MIA3: variants seen among roughly 807,000 people sequenced by gnomAD.
MIA3 encodes transport and Golgi organization protein 1 homolog.
MIA3 carries 90 observed loss-of-function variants against 192.4 expected under a neutral mutation model. The ratio of observed to expected loss-of-function variants is 0.47; its 90% CI spans 0.39 to 0.56. The LOEUF is 0.56. Ranked by LOEUF, MIA3 falls within the 20% of genes least tolerant of loss-of-function variation. The probability of loss-of-function intolerance (pLI) is 0.00; values close to 1 mark genes in which losing one functional copy is unlikely to be tolerated. For missense variants in MIA3, 2,123 were observed against 2,269.4 expected (o/e 0.94, Z 1.31); for synonymous variants, 740 against 792.8 (o/e 0.93, Z 1.12).
At chr1:222,651,869 G>C (rs901672064) in intron 11 of MIA3, 108 bp from the exon 12 acceptor site, 4 of 727,282 alleles carry the variant, frequency 5.5e-6, no homozygotes, top group Non-Finnish European at 9.8e-6. Flanking sequence ...TGAAACATAG[G>C]GGATGGCTCT....
chr1:222,662,116 C>G lies in MIA3; in HGVS notation c.5174C>G (p.Ser1725Cys). Residue 1725 changes from serine (S) to cysteine (C), a missense_variant, in exon 25 of 28, where the codon TCT becomes TGT. Ser to Cys is a moderately radical substitution (Grantham distance 112). Around this residue, in one of 3 missense-constraint regions of MIA3, gnomAD observed 762 missense variants for 856.4 expected, o/e 0.89. Coordinates refer to ENST00000344922, the MANE Select transcript of MIA3 (RefSeq NM_198551.4). Reference sequence around the variant, plus strand: ...TCAGCTGAGGCATCTGGGAAACCCTCTCCTTCTGGTAAGGGAGCAAGAGTG... The same window carrying G: ...TCAGCTGAGGCATCTGGGAAACCCTGTCCTTCTGGTAAGGGAGCAAGAGTG... Reference protein sequence around the residue: ...RWSAEASGKPSPSDPGSGTAT... With the variant: ...RWSAEASGKPCPSDPGSGTAT... 1.2e-6 allele frequency: 2 copies of G among 1,613,948 alleles called. No individual in the cohort carries two copies. The highest frequency in any genetic ancestry group is 1.7e-6 in the Non-Finnish European group (2 of 1,179,846).
In MIA3 at chr1:222,628,961, C is replaced by T. The variant is rs1662257358; in HGVS notation, c.1741C>T (p.Pro581Ser). The T allele has an allele frequency of 1.9e-6, 3 of 1,614,134 alleles. No individual in the cohort carries two copies. Among genetic ancestry groups the T allele is most frequent in the African/African-American group, 1.3e-5 (1 of 75,016 alleles). The change falls in exon 4 of 28, where the codon CCA (proline) becomes TCA (serine). Residue 581 changes from proline to serine, a missense_variant. By Grantham distance (74) the Pro-to-Ser change is moderately conservative (BLOSUM62 -1). Transcript: ENST00000344922. The stretch of plus-strand genomic sequence containing the variant: ...TCAACAGGAATCCCTGGGTAGTGCA[C>T]CACTCATGGGAGATGACCACCCTAA... ...KIQQESLGSA[P>S]LMGDDHPNAS...
Position 222,666,327 on chromosome 1 carries a change from A to G in MIA3, c.*708A>G, listed in dbSNP as rs1664285299. Reference sequence around the variant, plus strand: ...TCAAAGAAGTTTATTTCCCACTTGTATAGCATTCACATGCTTTCTTTACGA... The same window carrying G: ...TCAAAGAAGTTTATTTCCCACTTGTGTAGCATTCACATGCTTTCTTTACGA... On this transcript the variant is annotated 3_prime_UTR_variant, in exon 28 of 28. Transcript: ENST00000344922. 6.6e-6 allele frequency: 1 copy of G among 152,186 alleles called. No homozygotes were observed. The highest frequency in any genetic ancestry group is 2.4e-5 in the African/African-American group (1 of 41,442). The allele number at this position is 152,186 out of a possible 1,614,324, so 9.4% of individuals were successfully genotyped here. A position where few individuals can be genotyped will look rare whatever the true frequency, so the allele number is the denominator to read the frequency against.
chr1:222,625,015 C>CTT (rs566044781), intron 3 of MIA3, among the ~76,000 whole-genome samples, 161 bp downstream of exon 3: 1 of 145,954 alleles, frequency 6.9e-6, no homozygotes. Context: ...GCTATGTACT[C>CTT]TTTTTTTTTT....
At chr1:222,634,720 A>G (rs1662555818) in intron 6 of MIA3, among the ~76,000 whole-genome samples, 1 of 152,196 alleles carries the variant, frequency 6.6e-6, no homozygotes, top group African/African-American at 2.4e-5. Flanking sequence ...GCTTCTCACC[A>G]AAGCCATTTC....
At chr1:222,640,672 G>C (rs779470347) in intron 6 of MIA3, among the ~76,000 whole-genome samples, 5 of 152,066 alleles carry the variant, frequency 3.3e-5, no homozygotes, top group Non-Finnish European at 7.4e-5. Context: ...AAAATTAAGA[G>C]AAAAATTTTG....
chr1:222,646,994 A>G (rs909502352), intron 7 of MIA3, among the ~76,000 whole-genome samples: 19 of 152,244 alleles, frequency 1.2e-4, no homozygotes, highest in Non-Finnish European at 2.5e-4. Context: ...ATAAACATAC[A>G]CACAGAAAAT....
chr1:222,626,796 G>T (rs1173905486), intron 3 of MIA3, among the ~76,000 whole-genome samples: 3 of 152,312 alleles, frequency 2.0e-5, no homozygotes, highest in African/African-American at 7.2e-5. Context: ...TTCTGAAGCT[G>T]ATTTCTTTCC....
rs779371088 is a variant in MIA3 at position 222,662,350 on chromosome 1, GAAT to G, written c.5262+22_5262+24del. On this transcript the variant is annotated intron_variant, in intron 26 of 27. Coordinates refer to ENST00000344922, the MANE Select transcript of MIA3 (RefSeq NM_198551.4). ...AAGGCAAGGTAAATGCACCCATTTT[GAAT>G]AATTAGTTATTTCAGGAACATTTAG... 11 of 1,608,064 alleles carry G rather than the reference GAAT, an allele frequency of 6.8e-6. No homozygotes were observed. The highest frequency in any genetic ancestry group is 6.7e-5 in the Admixed American group (4 of 60,000).
chr1:222,661,458 A>G (rs929492180), intron 24 of MIA3: 2 of 153,578 alleles, frequency 1.3e-5, no homozygotes, highest in African/African-American at 4.8e-5. Flanking sequence ...TATACAATAT[A>G]TATACAGAAT....
chr1:222,651,211 GTT>G (rs147709124), intron 11 of MIA3, among the ~76,000 whole-genome samples: 32 of 140,118 alleles, frequency 2.3e-4, no homozygotes, highest in East Asian at 4.1e-4. Context: ...GTTTTGCAAA[GTT>G]TTTTTTTTTT....
intron 6 of MIA3, among the ~76,000 whole-genome samples, chr1:222,640,522 A>T (rs1571881241): frequency 1.3e-5 from 2 of 152,288 alleles, no homozygotes; most frequent in South Asian, 2.1e-4. Context: ...TACAAAGGAA[A>T]GTCTTTTCAA....
chr1:222,627,813 A>G lies in MIA3; in HGVS notation c.593A>G (p.Glu198Gly), dbSNP rs1336860951. 2 of 1,614,018 alleles carry G rather than the reference A, an allele frequency of 1.2e-6. No homozygotes were observed. The highest frequency in any genetic ancestry group is 1.7e-5 in the Admixed American group (1 of 60,002). The change falls in exon 4 of 28, where the codon GAG (glutamate) becomes GGG (glycine). Residue 198 changes from glutamate to glycine, a missense_variant. Physicochemically the swap from Glu to Gly is moderately conservative, Grantham distance 98. This residue lies in a region of MIA3 where 1,357 missense variants were observed against 1,396.1 expected (regional missense o/e 0.97). Transcript: ENST00000344922. ...ESDSVFSENTEDLQEQFTTQK... is the reference protein window; with the variant it reads ...ESDSVFSENTGDLQEQFTTQK... ...GATAGTGTATTCTCAGAAAACACTG[A>G]GGATCTTCAGGAACAGTTTACAACT...
At position 222,665,582 on chromosome 1, in the gene MIA3, G is replaced by T; in HGVS notation, c.5687G>T (p.Ser1896Ile). 6.2e-7 allele frequency: 1 copy of T among 1,610,800 alleles called. No homozygotes were observed. The highest frequency in any genetic ancestry group is 1.1e-5 in the South Asian group (1 of 90,666). ...CCTCCACCTGCCTCTCAGAGCACTAGCCAGGACTGTTCACAGGCTTTAAAA... is the reference window on the plus strand; with the variant it reads ...CCTCCACCTGCCTCTCAGAGCACTATCCAGGACTGTTCACAGGCTTTAAAA... ...DEPPPASQST[S>I]QDCSQALKQS... is the part of the protein sequence containing the mutation. Residue 1896 changes from serine (S) to isoleucine (I), a missense_variant, in exon 28 of 28, where the codon AGC becomes ATC. By Grantham distance (142) the Ser-to-Ile change is moderately radical. This residue lies in a region of MIA3 where 762 missense variants were observed against 856.4 expected (regional missense o/e 0.89). Coordinates refer to ENST00000344922, the MANE Select transcript of MIA3 (RefSeq NM_198551.4).
intron 6 of MIA3, chr1:222,641,602 C>T (rs1259067840): frequency 3.8e-6 from 2 of 526,160 alleles, no homozygotes; most frequent in Non-Finnish European, 7.6e-6. Context: ...TACATAGTAC[C>T]CAGTTCCTAC....
At position 222,629,401 on chromosome 1, in the gene MIA3, T is replaced by C; in HGVS notation, c.2181T>C (p.Ser727=). The C allele has an allele frequency of 6.2e-7, 1 of 1,614,136 alleles. No individual in the cohort carries two copies. Residue 727 remains serine (S), a synonymous_variant, in exon 4 of 28, where the codon TCT becomes TCC. Transcript: ENST00000344922. ...AAGTAGAAGAGGATGATTATCCCTC[T>C]GAAGAACTACTAGAGGATGAAAACG... is the stretch of plus-strand genomic sequence containing the variant. ...LSKVEEDDYP[S]EELLEDENAI... is the part of the protein sequence containing the mutation.
chr1:222,660,270 T>A lies in MIA3; in HGVS notation c.5069T>A (p.Leu1690His), dbSNP rs1663943907. The A allele has an allele frequency of 6.2e-7, 1 of 1,613,932 alleles. No homozygotes were observed. Among genetic ancestry groups the A allele is most frequent in the South Asian group, 1.1e-5 (1 of 91,078 alleles). Residue 1690 changes from leucine to histidine, a missense_variant, in exon 24 of 28, where the codon CTC (leucine) becomes CAC (histidine). Leu to His is a moderately conservative substitution (Grantham distance 99, BLOSUM62 -3). Transcript: ENST00000344922. ...ACAGTGGAGCCACCCGTGAGACCTC[T>A]CTCTGCTACTCTCAATCGAAGAGAT... ...PLTVEPPVRP[L>H]SATLNRRDMP... is the part of the protein sequence containing the mutation.
At chr1:222,652,117 G>T (rs1342528773) in intron 12 of MIA3, 69 bp downstream of exon 12, 3 of 1,322,200 alleles carry the variant, frequency 2.3e-6, no homozygotes, top group South Asian at 1.2e-5. Flanking sequence ...GCAAAAATTT[G>T]ATATATGCTA....
chr1:222,659,957 T>C lies in MIA3; in HGVS notation c.4926T>C (p.Ile1642=). The C allele has an allele frequency of 6.2e-7, 1 of 1,613,954 alleles. No individual in the cohort carries two copies. Among genetic ancestry groups the C allele is most frequent in the Non-Finnish European group, 8.5e-7 (1 of 1,179,886 alleles). ...KMAMLQEEPV[I]VKPMPGKPNT... The stretch of plus-strand genomic sequence containing the variant: ...CAATGCTGCAAGAAGAACCTGTGAT[T>C]GTAAAACCAATGCCAGGAAAACCAA... The change falls in exon 23 of 28, where the codon ATT becomes ATC. Residue 1642 remains isoleucine (I), a synonymous_variant. Transcript: ENST00000344922.
Sources: allele counts gnomAD v4.1 joint callset (sites outside exome capture counted in the v4.1 genomes callset), GRCh38; gene constraint gnomAD v4.1.1; regional missense constraint gnomAD v4.1.1; transcripts MANE v1.5; gene names NCBI Gene and HGNC (gene_info 2026-07-23, HGNC 2026-07-21).